SLC44A5: variants seen among roughly 807,000 people sequenced by gnomAD.
The protein encoded by SLC44A5 is solute carrier family 44 member 5.
In SLC44A5, 57 loss-of-function variants were observed where a neutral mutation model predicts 101.8. That is an observed-to-expected ratio of 0.56 (90% CI 0.45 to 0.70). SLC44A5 has a LOEUF of 0.70. Ranked by LOEUF, SLC44A5 falls within the 30% of genes least tolerant of loss-of-function variation. The pLI, the probability that SLC44A5 is intolerant of heterozygous loss-of-function variation, is 0.00. For missense variants in SLC44A5, 737 were observed against 853.1 expected, an observed-to-expected ratio of 0.86 and a Z score of 1.70; for synonymous variants, 281 against 290.9, an observed-to-expected ratio of 0.97 and a Z score of 0.35.
intron 2 of SLC44A5, among the ~76,000 whole-genome samples, chr1:75,530,669 C>T (rs211773): frequency 4.6e-5 from 7 of 152,114 alleles, no homozygotes; most frequent in Non-Finnish European, 8.8e-5. Flanking sequence ...GCTCTCAGTA[C>T]TACCTCCCGA....
At chr1:75,663,463 A>G in the SLC44A5 span, among the ~76,000 whole-genome samples, 1 of 152,160 alleles carries the variant, frequency 6.6e-6, no homozygotes, top group African/African-American at 2.4e-5. Flanking sequence ...GACTGTGGTA[A>G]TTTGTTGTAG....
At chr1:75,595,478 T>G (rs1052860255) in intron 1 of SLC44A5, among the ~76,000 whole-genome samples, 3 of 152,082 alleles carry the variant, frequency 2.0e-5, no homozygotes, top group African/African-American at 2.4e-5. Context: ...ATGAGTTAGA[T>G]AGTTCCCTAT....
chr1:75,366,698 G>A (rs1200794042), intron 3 of SLC44A5, among the ~76,000 whole-genome samples: 1 of 110,304 alleles, frequency 9.1e-6, no homozygotes, highest in Non-Finnish European at 1.8e-5. Flanking sequence ...GGCGCTGTAT[G>A]CTTTTTTCAC....
chr1:75,247,925 AT>A (rs1346667956), intron 7 of SLC44A5, among the ~76,000 whole-genome samples: 1 of 152,048 alleles, frequency 6.6e-6, no homozygotes, highest in Non-Finnish European at 1.5e-5. Context: ...TTGAAAAAAA[AT>A]AAAAGAGGCA....
intron 2 of SLC44A5, among the ~76,000 whole-genome samples, chr1:75,537,786 T>G (rs1390183093): frequency 3.3e-5 from 5 of 152,228 alleles, no homozygotes; most frequent in African/African-American, 1.2e-4. Context: ...CACATAAATA[T>G]AAAACTTCTT....
At chr1:75,582,551 G>T (rs1240015270) in intron 1 of SLC44A5, 5 of 480,450 alleles carry the variant, frequency 1.0e-5, no homozygotes, top group African/African-American at 1.9e-5. Context: ...CACTACAAAG[G>T]GTTCAAAGTA....
At chr1:75,302,104 G>GTTATTTTTATTTTT (rs1654497769) in intron 4 of SLC44A5, among the ~76,000 whole-genome samples, 1 of 49,590 alleles carries the variant, frequency 2.0e-5, no homozygotes, top group Non-Finnish European at 3.4e-5. Context: ...AGGTGCTCTA[G>GTTATTTTTATTTTT]TTTTTTTGTT....
At chr1:75,415,898 G>A (rs574086762) in intron 2 of SLC44A5, among the ~76,000 whole-genome samples, 1 of 152,302 alleles carries the variant, frequency 6.6e-6, no homozygotes, top group South Asian at 2.1e-4. Context: ...TTTATAAGCA[G>A]GAAAGTATTC....
At chr1:75,710,268 G>A in the SLC44A5 span, 1 of 152,230 alleles carries the variant, frequency 6.6e-6, no homozygotes, top group African/African-American at 2.4e-5. Flanking sequence ...CCTTAAGAGA[G>A]CTGTTGGCCA....
chr1:75,623,590 G>GT, the SLC44A5 span, among the ~76,000 whole-genome samples: 94 of 151,240 alleles, frequency 6.2e-4, no homozygotes, highest in Admixed American at 2.8e-3. Context: ...AAAGGATAAG[G>GT]TTTTTTTTTA....
intron 2 of SLC44A5, among the ~76,000 whole-genome samples, chr1:75,448,586 G>A (rs892289885): frequency 2.0e-5 from 3 of 152,196 alleles, no homozygotes; most frequent in Middle Eastern, 3.4e-3. Context: ...CCATCACTGA[G>A]GTAAATCTAT....
intron 2 of SLC44A5, among the ~76,000 whole-genome samples, chr1:75,429,060 T>C (rs891491321): frequency 1.3e-5 from 2 of 152,250 alleles, no homozygotes; most frequent in African/African-American, 4.8e-5. Context: ...AAAGAGGACA[T>C]GTGCCTGAGC....
intron 4 of SLC44A5, among the ~76,000 whole-genome samples, chr1:75,313,899 G>A (rs1402270482): frequency 6.6e-6 from 1 of 152,100 alleles, no homozygotes; most frequent in East Asian, 1.9e-4. Context: ...ATATGGAAAG[G>A]AAAATAAAAG....
At chr1:75,233,910 C>T in intron 12 of SLC44A5, 76 bp downstream of exon 12, 1 of 1,097,766 alleles carries the variant, frequency 9.1e-7, no homozygotes, top group South Asian at 1.4e-5. Flanking sequence ...CAAATGCTTT[C>T]TGGTAACTGA....
intron 2 of SLC44A5, among the ~76,000 whole-genome samples, chr1:75,448,302 T>A (rs1665702279): frequency 6.6e-6 from 1 of 152,202 alleles, no homozygotes; most frequent in African/African-American, 2.4e-5. Flanking sequence ...AACATGATCA[T>A]CAGCAAGGTG....
chr1:75,286,016 G>T (rs564909167), intron 5 of SLC44A5, among the ~76,000 whole-genome samples: 7 of 152,112 alleles, frequency 4.6e-5, no homozygotes, highest in Admixed American at 2.0e-4. Flanking sequence ...TAAGTCCATT[G>T]TTGCTTTTTG....
chr1:75,388,953 C>A (rs1661598755), intron 3 of SLC44A5, among the ~76,000 whole-genome samples: 1 of 152,000 alleles, frequency 6.6e-6, no homozygotes, highest in South Asian at 2.1e-4. Flanking sequence ...CCTATAGGCT[C>A]ATTGCTCCTG....
At chr1:75,415,472 C>T (rs1663580030) in intron 2 of SLC44A5, among the ~76,000 whole-genome samples, 1 of 152,144 alleles carries the variant, frequency 6.6e-6, no homozygotes, top group African/African-American at 2.4e-5. Context: ...GTAAATTGCC[C>T]AGTCTCAGGT....
At chr1:75,659,627 C>CAAAA in the SLC44A5 span, among the ~76,000 whole-genome samples, 1 of 98,784 alleles carries the variant, frequency 1.0e-5, no homozygotes, top group Non-Finnish European at 1.9e-5. Flanking sequence ...CCATCTCTAC[C>CAAAA]AAAAAAAAAA....
Sources: allele counts gnomAD v4.1 joint callset (sites outside exome capture counted in the v4.1 genomes callset), GRCh38; gene constraint gnomAD v4.1.1; transcripts MANE v1.5; gene names NCBI Gene and HGNC (gene_info 2026-07-23, HGNC 2026-07-21).